The following CLDN3 variants were observed in gnomAD, a reference collection of about 807,000 sequenced individuals.
CLDN3 encodes claudin-3.
CLDN3 carries 6 observed loss-of-function variants against 16.3 expected under a neutral mutation model. The observed-to-expected ratio is 0.37, with a 90% CI of 0.20 to 0.73. The LOEUF is 0.73. Ranked by LOEUF, CLDN3 falls within the 30% of genes least tolerant of loss-of-function variation. CLDN3 has a pLI of 0.52. For synonymous variants in CLDN3, 145 were observed against 150.1 expected (o/e 0.97, Z 0.25); for missense variants, 248 against 305.2 (o/e 0.81, Z 1.40).
At position 73,769,831 on chromosome 7, in the gene CLDN3, T is replaced by C. The variant is rs1787019275; in HGVS notation, c.219A>G (p.Pro73=). ...CKVYDSLLAL[P]QDLQAARALI... ...GGGCGCGGGCCGCCTGAAGGTCCTG[T>C]GGCAGTGCCAGCAGCGAGTCGTACA... The change falls in exon 1 of 1, where the codon CCA becomes CCG. Residue 73 remains proline (P), a synonymous_variant. Transcript: ENST00000395145. The C allele has an allele frequency of 6.2e-7, 1 of 1,612,574 alleles. No individual in the cohort carries two copies. The highest frequency in any genetic ancestry group is 8.5e-7 in the Non-Finnish European group (1 of 1,179,894).
At position 73,769,732 on chromosome 7, in the gene CLDN3, G is replaced by A. The variant is rs1554626700; in HGVS notation, c.318C>T (p.Cys106=). The A allele has an allele frequency of 1.9e-6, 3 of 1,611,200 alleles. No homozygotes were observed. Among genetic ancestry groups the A allele is most frequent in the Non-Finnish European group, 1.7e-6 (2 of 1,178,900 alleles). ...TGGCCTTGGCCGTGTCGTCCTGCAC[G>A]CAGTTGGTGCACTGGGCGCCCACCA... ...VALVGAQCTN[C]VQDDTAKAKI... Residue 106 remains cysteine, a synonymous_variant, in exon 1 of 1, where the codon TGC becomes TGT. Transcript: ENST00000395145.
In CLDN3 at chr7:73,769,649, G is replaced by A. The variant is rs139191328; in HGVS notation, c.401C>T (p.Pro134Leu). ...AATGGTGTTGGCCGACCAGGACACC[G>A]GCACGAGGGTGAGCAGGGCGGCGAG... Reference protein sequence around the residue: ...FLLAALLTLVPVSWSANTIIR... With the variant: ...FLLAALLTLVLVSWSANTIIR... Residue 134 changes from proline to leucine, a missense_variant, in exon 1 of 1, where the codon CCG (proline) becomes CTG (leucine). Physicochemically the swap from Pro to Leu is moderately conservative, Grantham distance 98. Transcript: ENST00000395145. 7.7e-3 allele frequency: 12,466 copies of A among 1,612,990 alleles called. 52 individuals are homozygous for A. The highest frequency in any genetic ancestry group is 9.7e-3 in the Non-Finnish European group (11,466 of 1,179,828).
In CLDN3 at chr7:73,769,460, A is replaced by G; in HGVS notation, c.590T>C (p.Val197Ala). The G allele has an allele frequency of 6.2e-7, 1 of 1,607,524 alleles. No homozygotes were observed. The highest frequency in any genetic ancestry group is 1.7e-4 in the Middle Eastern group (1 of 6,060). The stretch of plus-strand genomic sequence containing the variant: ...GCCGGTGGAGCGCGGCGCGGAGTAG[A>G]CGACCTTGGTGGCCGTGTACTTCTT... ...REKKYTATKV[V>A]YSAPRSTGPG... Residue 197 changes from valine (V) to alanine (A), a missense_variant, in exon 1 of 1, where the codon GTC becomes GCC. Physicochemically the swap from Val to Ala is moderately conservative, Grantham distance 64 (BLOSUM62 0). Coordinates refer to ENST00000395145, the MANE Select transcript of CLDN3 (RefSeq NM_001306.4).
chr7:73,769,433 G>A lies in CLDN3; in HGVS notation c.617C>T (p.Pro206Leu), dbSNP rs781950391. The A allele has an allele frequency of 6.9e-6, 11 of 1,603,990 alleles. No individual in the cohort carries two copies. In the African/African-American group the frequency reaches 8.0e-5, roughly 12 times the overall value. The change falls in exon 1 of 1, where the codon CCG becomes CTG. Residue 206 changes from proline to leucine, a missense_variant. Transcript: ENST00000395145. Reference protein sequence around the residue: ...VVYSAPRSTGPGASLGTGYDR... With the variant: ...VVYSAPRSTGLGASLGTGYDR... The stretch of plus-strand genomic sequence containing the variant: ...GTAGCCTGTGCCCAGGCTGGCTCCC[G>A]GGCCGGTGGAGCGCGGCGCGGAGTA...
chr7:73,769,071 A>T lies in CLDN3; in HGVS notation c.*316T>A, dbSNP rs1375742630. The T allele has an allele frequency of 2.0e-6, 1 of 499,394 alleles. No individual in the cohort carries two copies. The highest frequency in any genetic ancestry group is 3.3e-6 in the Non-Finnish European group (1 of 302,474). The allele number at this position is 499,394 out of a possible 1,614,324, so 30.9% of individuals were successfully genotyped here. A position where few individuals can be genotyped will look rare whatever the true frequency, so the allele number is the denominator to read the frequency against. The stretch of plus-strand genomic sequence containing the variant: ...CTGCCGGTCCCTGCCCAGCGCGAGC[A>T]TGGGGGCAGCGGCCCGATGGGGCTC... On this transcript the variant is annotated 3_prime_UTR_variant, in exon 1 of 1. Transcript: ENST00000395145.
In CLDN3 at chr7:73,770,169, A is replaced by C; in HGVS notation, c.-120T>G. On this transcript the variant is annotated 5_prime_UTR_variant, in exon 1 of 1. Coordinates refer to ENST00000395145, the MANE Select transcript of CLDN3 (RefSeq NM_001306.4). This position sits in a 1 kb window ranked among gnomAD's most constrained non-coding sequence, Gnocchi z 5.7. ...GACGGACGGACGGACGGACGGACTG[A>C]CTCACCGACGGCGCGCGCTAACGGC... 1 of 1,342,768 alleles carries C rather than the reference A, an allele frequency of 7.4e-7. No individual in the cohort carries two copies. The allele number at this position is 1,342,768 out of a possible 1,614,324, so 83.2% of individuals were successfully genotyped here.
rs1787031947 is a variant in CLDN3 at position 73,770,214 on chromosome 7, C to T, written c.-165G>A. On this transcript the variant is annotated 5_prime_UTR_variant, in exon 1 of 1. Transcript: ENST00000395145. This position sits in a 1 kb window ranked among gnomAD's most constrained non-coding sequence, Gnocchi z 5.7. ...AACGGCTCGGCTCCATACGCTCTCG[C>T]CGCGGCTGCGCCTGCACCTGCCTGT... 9.2e-7 allele frequency: 1 copy of T among 1,081,226 alleles called. No homozygotes were observed. The highest frequency in any genetic ancestry group is 1.2e-6 in the Non-Finnish European group (1 of 817,840). The allele number at this position is 1,081,226 out of a possible 1,614,324, so 67.0% of individuals were successfully genotyped here. A position where few individuals can be genotyped will look rare whatever the true frequency, so the allele number is the denominator to read the frequency against.
In CLDN3 at chr7:73,770,115, G is replaced by A. The variant is rs1415119230; in HGVS notation, c.-66C>T. The A allele has an allele frequency of 2.9e-6, 4 of 1,398,758 alleles. No individual in the cohort carries two copies. The highest frequency in any genetic ancestry group is 2.9e-5 in the East Asian group (1 of 34,556). 86.6% of individuals were successfully genotyped at this position (1,398,758 alleles called of 1,614,324 possible). ...TGCGGGGAGACGAGGGGCCGGGGCC[G>A]CTGGGCCTGGCGGGAGCTGCGGCGC... On this transcript the variant is annotated 5_prime_UTR_variant, in exon 1 of 1. Coordinates refer to ENST00000395145, the MANE Select transcript of CLDN3 (RefSeq NM_001306.4). This position sits in a 1 kb window ranked among gnomAD's most constrained non-coding sequence, Gnocchi z 5.7.
At position 73,769,122 on chromosome 7, in the gene CLDN3, C is replaced by T. The variant is rs1246273318; in HGVS notation, c.*265G>A. ...GACGGGGTGGTCAAGTATTGGCGGT[C>T]ACCCAGGCCCCGTGCTCCAGAAGGG... On this transcript the variant is annotated 3_prime_UTR_variant, in exon 1 of 1. Transcript: ENST00000395145. 5 of 834,056 alleles carry T rather than the reference C, an allele frequency of 6.0e-6. No homozygotes were observed. Among genetic ancestry groups the T allele is most frequent in the Non-Finnish European group, 6.8e-6 (4 of 588,152 alleles). The allele number at this position is 834,056 out of a possible 1,614,324, so 51.7% of individuals were successfully genotyped here.
chr7:73,769,602 C>A lies in CLDN3; in HGVS notation c.448G>T (p.Val150Leu). Residue 150 changes from valine (V) to leucine (L), a missense_variant, in exon 1 of 1, where the codon GTG becomes TTG. Val to Leu is a conservative substitution (Grantham distance 32, BLOSUM62 1). Transcript: ENST00000395145. The stretch of plus-strand genomic sequence containing the variant: ...TCGCGCTTCTGCGCCTCGGGCACCA[C>A]GGGGTTGTAGAAGTCCCGGATAATG... ...NTIIRDFYNP[V>L]VPEAQKREMG... The A allele has an allele frequency of 6.2e-7, 1 of 1,610,512 alleles. No homozygotes were observed. The highest frequency in any genetic ancestry group is 8.5e-7 in the Non-Finnish European group (1 of 1,178,422).
At position 73,770,197 on chromosome 7, in the gene CLDN3, G is replaced by C. The variant is rs1181237202; in HGVS notation, c.-148C>G. 78 of 1,204,160 alleles carry C rather than the reference G, an allele frequency of 6.5e-5. No individual in the cohort carries two copies. Among genetic ancestry groups the C allele is most frequent in the Non-Finnish European group, 8.4e-5 (78 of 925,464 alleles). The allele number at this position is 1,204,160 out of a possible 1,614,324, so 74.6% of individuals were successfully genotyped here. The stretch of plus-strand genomic sequence containing the variant: ...CACCGACGGCGCGCGCTAACGGCTC[G>C]GCTCCATACGCTCTCGCCGCGGCTG... On this transcript the variant is annotated 5_prime_UTR_variant, in exon 1 of 1. Coordinates refer to ENST00000395145, the MANE Select transcript of CLDN3 (RefSeq NM_001306.4). This position sits in a 1 kb window ranked among gnomAD's most constrained non-coding sequence, Gnocchi z 5.7.
At position 73,769,314 on chromosome 7, in the gene CLDN3, C is replaced by T; in HGVS notation, c.*73G>A. 1 of 1,525,518 alleles carries T rather than the reference C, an allele frequency of 6.6e-7. No individual in the cohort carries two copies. Among genetic ancestry groups the T allele is most frequent in the Non-Finnish European group, 8.7e-7 (1 of 1,143,222 alleles). 94.5% of individuals were successfully genotyped at this position (1,525,518 alleles called of 1,614,324 possible). A position where few individuals can be genotyped will look rare whatever the true frequency, so the allele number is the denominator to read the frequency against. On this transcript the variant is annotated 3_prime_UTR_variant, in exon 1 of 1. Transcript: ENST00000395145. ...AGGCTGCACGCTGGATGGCCTGGTGCGCGCTCCAGCTCGCGGTGGTGGTGG... is the reference window on the plus strand; with the variant it reads ...AGGCTGCACGCTGGATGGCCTGGTGTGCGCTCCAGCTCGCGGTGGTGGTGG...
chr7:73,769,454 G>C lies in CLDN3; in HGVS notation c.596C>G (p.Ser199Cys). 6.2e-7 allele frequency: 1 copy of C among 1,606,708 alleles called. No individual in the cohort carries two copies. The highest frequency in any genetic ancestry group is 1.1e-5 in the South Asian group (1 of 91,048). ...KKYTATKVVY[S>C]APRSTGPGAS... ...TCCCGGGCCGGTGGAGCGCGGCGCG[G>C]AGTAGACGACCTTGGTGGCCGTGTA... The change falls in exon 1 of 1, where the codon TCC (serine) becomes TGC (cysteine). Residue 199 changes from serine (S) to cysteine (C), a missense_variant. By Grantham distance (112) the Ser-to-Cys change is moderately radical. Transcript: ENST00000395145.
chr7:73,770,029 G>A lies in CLDN3; in HGVS notation c.21C>T (p.Ile7=). The A allele has an allele frequency of 6.3e-7, 1 of 1,597,352 alleles. No homozygotes were observed. The highest frequency in any genetic ancestry group is 8.5e-7 in the Non-Finnish European group (1 of 1,172,376). Residue 7 remains isoleucine, a synonymous_variant, in exon 1 of 1, where the codon ATC becomes ATT. Transcript: ENST00000395145. This position sits in a 1 kb window ranked among gnomAD's most constrained non-coding sequence, Gnocchi z 5.7. Reference sequence around the variant, plus strand: ...CCAGCACGGCCAGCGCGGTGCCCGTGATCTCCAGGCCCATGGACATGGCTG... The same window carrying A: ...CCAGCACGGCCAGCGCGGTGCCCGTAATCTCCAGGCCCATGGACATGGCTG... The part of the protein sequence containing the change: MSMGLE[I]TGTALAVLGW...
rs782465492 is a variant in CLDN3, at chr7:73,770,027, G to A, written c.23C>T (p.Thr8Met). Reference protein sequence around the residue: MSMGLEITGTALAVLGWL... With the variant: MSMGLEIMGTALAVLGWL... ...GCCCAGCACGGCCAGCGCGGTGCCCGTGATCTCCAGGCCCATGGACATGGC... is the reference window on the plus strand; with the variant it reads ...GCCCAGCACGGCCAGCGCGGTGCCCATGATCTCCAGGCCCATGGACATGGC... Residue 8 changes from threonine to methionine, a missense_variant, in exon 1 of 1, where the codon ACG becomes ATG. Thr to Met is a moderately conservative substitution (Grantham distance 81). Transcript: ENST00000395145. The surrounding 1 kb of genome is among the most constrained non-coding windows in gnomAD (Gnocchi z 5.7). 1.9e-6 allele frequency: 3 copies of A among 1,597,190 alleles called. No homozygotes were observed. The highest frequency in any genetic ancestry group is 2.6e-6 in the Non-Finnish European group (3 of 1,172,282).
chr7:73,769,127 A>T lies in CLDN3; in HGVS notation c.*260T>A. 1.1e-6 allele frequency: 1 copy of T among 888,146 alleles called. No homozygotes were observed. The highest frequency in any genetic ancestry group is 1.6e-6 in the Non-Finnish European group (1 of 630,496). 55.0% of individuals were successfully genotyped at this position (888,146 alleles called of 1,614,324 possible). The stretch of plus-strand genomic sequence containing the variant: ...GGTGGTCAAGTATTGGCGGTCACCC[A>T]GGCCCCGTGCTCCAGAAGGGTGAGG... On this transcript the variant is annotated 3_prime_UTR_variant, in exon 1 of 1. Transcript: ENST00000395145.
Position 73,769,430 on chromosome 7 carries a change from C to G in CLDN3, c.620G>C (p.Gly207Ala). The G allele has an allele frequency of 1.2e-6, 2 of 1,603,696 alleles. No individual in the cohort carries two copies. The highest frequency in any genetic ancestry group is 1.7e-6 in the Non-Finnish European group (2 of 1,179,656). ...VYSAPRSTGP[G>A]ASLGTGYDRK... ...GTCGTAGCCTGTGCCCAGGCTGGCT[C>G]CCGGGCCGGTGGAGCGCGGCGCGGA... Residue 207 changes from glycine (G) to alanine (A), a missense_variant, in exon 1 of 1, where the codon GGA becomes GCA. Transcript: ENST00000395145.
Position 73,769,628 on chromosome 7 carries a change from G to A in CLDN3, c.422C>T (p.Thr141Ile). ...TLVPVSWSANTIIRDFYNPVV... is the reference protein window; with the variant it reads ...TLVPVSWSANIIIRDFYNPVV... ...GGGGTTGTAGAAGTCCCGGATAATG[G>A]TGTTGGCCGACCAGGACACCGGCAC... The change falls in exon 1 of 1, where the codon ACC becomes ATC. Residue 141 changes from threonine to isoleucine, a missense_variant. Physicochemically the swap from Thr to Ile is moderately conservative, Grantham distance 89. Transcript: ENST00000395145. The A allele has an allele frequency of 6.2e-7, 1 of 1,612,942 alleles. No homozygotes were observed. The highest frequency in any genetic ancestry group is 8.5e-7 in the Non-Finnish European group (1 of 1,179,776).
At position 73,769,512 on chromosome 7, in the gene CLDN3, G is replaced by A. The variant is rs1360696295; in HGVS notation, c.538C>T (p.Leu180Phe). 1 of 1,608,430 alleles carries A rather than the reference G, an allele frequency of 6.2e-7. No individual in the cohort carries two copies. The highest frequency in any genetic ancestry group is 1.7e-5 in the Admixed American group (1 of 59,698). ...TCGCGTGGGGGACACGAGCAGCAGA[G>A]CAGCGCGCCCCCCAGCAGCTGCAGC... ...AALQLLGGAL[L>F]CCSCPPREKK... Residue 180 changes from leucine to phenylalanine, a missense_variant, in exon 1 of 1, where the codon CTC (leucine) becomes TTC (phenylalanine). Physicochemically the swap from Leu to Phe is conservative, Grantham distance 22. Transcript: ENST00000395145.
Sources: gnomAD v4.1 joint callset for allele counts on GRCh38, gnomAD v4.1.1 for gene constraint, Gnocchi (gnomAD v3.1) non-coding constraint, MANE v1.5 for transcripts, NCBI Gene and HGNC (gene_info 2026-07-23, HGNC 2026-07-21) for gene names.